Variants in PPFIA1 observed in about 807,000 individuals in gnomAD.
PPFIA1 encodes PPFI scaffold protein A1, also known as liprin-alpha-1.
Under a neutral mutation model 149.9 loss-of-function variants are expected in PPFIA1, and 25 were observed. The observed-to-expected ratio is 0.17, with a 90% CI of 0.12 to 0.23. The LOEUF is 0.23. PPFIA1 is among the 10% of genes least tolerant of loss of function. The pLI is 1.00. For synonymous variants in PPFIA1, 549 were observed against 552.8 expected (o/e 0.99, Z 0.10); for missense variants, 1,362 against 1,506.5 (o/e 0.90, Z 1.59).
intron 10 of PPFIA1, 29 bp downstream of exon 10, chr11:70,333,582 G>T: frequency 6.4e-7 from 1 of 1,564,478 alleles, no homozygotes; most frequent in Non-Finnish European, 8.8e-7. Flanking sequence ...GGGTGGGGGC[G>T]CTGAGTGGGT....
At chr11:70,353,315 A>G (rs2056176945) in intron 16 of PPFIA1, among the ~76,000 whole-genome samples, 1 of 152,210 alleles carries the variant, frequency 6.6e-6, no homozygotes, top group South Asian at 2.1e-4. Context: ...GCTGCACCGC[A>G]CCATGATCAC....
chr11:70,348,754 C>T (rs1056405114), intron 16 of PPFIA1, among the ~76,000 whole-genome samples: 1 of 151,982 alleles, frequency 6.6e-6, no homozygotes, highest in Non-Finnish European at 1.5e-5. Flanking sequence ...GCCTGTAGTC[C>T]CAGCTACTCT....
At chr11:70,376,065 T>A (rs1212865501) in intron 24 of PPFIA1, among the ~76,000 whole-genome samples, 1 of 151,888 alleles carries the variant, frequency 6.6e-6, no homozygotes, top group Non-Finnish European at 1.5e-5. Context: ...CTTGGCTCAC[T>A]GCACCCTCTG....
intron 2 of PPFIA1, among the ~76,000 whole-genome samples, chr11:70,275,311 A>G (rs2050318734): frequency 6.6e-6 from 1 of 152,064 alleles, no homozygotes; most frequent in African/African-American, 2.4e-5. Context: ...TTTTTTACTG[A>G]TTTGAAGGAG....
Position 70,272,171 on chromosome 11 carries a change from A to G in PPFIA1, c.1-2A>G. 7 of 1,612,802 alleles carry G rather than the reference A, an allele frequency of 4.3e-6. No individual in the cohort carries two copies. Among genetic ancestry groups the G allele is most frequent in the South Asian group, 1.1e-5 (1 of 90,994 alleles). On this transcript the variant is annotated splice_acceptor_variant, in intron 1 of 27. Transcript: ENST00000253925. LOFTEE classifies it low-confidence loss of function (5UTR_SPLICE). ...ACTGTAGCCTGGGTCTTTCATTTCA[A>G]GATGATGTGCGAGGTGATGCCGACC...
At chr11:70,348,123 T>C (rs745834092) in intron 15 of PPFIA1, 66 bp from the exon 16 acceptor site, 14 of 1,424,036 alleles carry the variant, frequency 9.8e-6, no homozygotes, top group Admixed American at 3.5e-5. Flanking sequence ...AGCATGGTTT[T>C]TCTCATGCAA....
chr11:70,349,981 C>T (rs2055950768), intron 16 of PPFIA1: 1 of 455,000 alleles, frequency 2.2e-6, no homozygotes, highest in Non-Finnish European at 4.4e-6. Context: ...GTAGTTTACT[C>T]ATCCACCTCC....
intron 2 of PPFIA1, among the ~76,000 whole-genome samples, chr11:70,316,282 G>A (rs1006873598): frequency 2.6e-5 from 4 of 152,156 alleles, no homozygotes; most frequent in Admixed American, 2.0e-4. Context: ...ATTTTGGACA[G>A]GCTGGTCTTG....
chr11:70,286,958 T>C (rs970507206), intron 2 of PPFIA1, among the ~76,000 whole-genome samples: 7 of 142,016 alleles, frequency 4.9e-5, no homozygotes, highest in African/African-American at 1.9e-4. Flanking sequence ...ATATACTATA[T>C]ATATACATAT....
rs1484060146 is a variant in PPFIA1, at chr11:70,356,096, A to G, written c.2489-65A>G. 3.1e-6 allele frequency: 4 copies of G among 1,302,728 alleles called. No individual in the cohort carries two copies. In the East Asian group the frequency reaches 6.9e-5, roughly 22 times the overall value. The allele number at this position is 1,302,728 out of a possible 1,614,324, so 80.7% of individuals were successfully genotyped here. On this transcript the variant is annotated intron_variant, in intron 18 of 27. Coordinates refer to ENST00000253925, the MANE Select transcript of PPFIA1 (RefSeq NM_003626.5). ...TGAACCTGCAAATATTCATCTGCCT[A>G]TTTATGAAAACATAGAGCTTTGTCA...
At chr11:70,308,077 T>C (rs1591148486) in intron 2 of PPFIA1, among the ~76,000 whole-genome samples, 1 of 152,230 alleles carries the variant, frequency 6.6e-6, no homozygotes, top group Admixed American at 6.5e-5. Context: ...AGATGGAGTT[T>C]TGCTCTTGTT....
At chr11:70,279,899 T>G (rs571605853) in intron 2 of PPFIA1, among the ~76,000 whole-genome samples, 155 of 142,830 alleles carry the variant, frequency 1.1e-3, no homozygotes, top group Admixed American at 1.4e-3. Flanking sequence ...TGTGTGTGTG[T>G]GGGGGATGTG....
At chr11:70,357,170 A>G (rs756455529) in intron 19 of PPFIA1, among the ~76,000 whole-genome samples, 9 of 152,206 alleles carry the variant, frequency 5.9e-5, no homozygotes, top group Non-Finnish European at 1.0e-4. Context: ...AGCTTGAGCA[A>G]TGTGGAAGAT....
chr11:70,280,380 C>A (rs918691926), intron 2 of PPFIA1, among the ~76,000 whole-genome samples: 1 of 151,898 alleles, frequency 6.6e-6, no homozygotes, highest in East Asian at 1.9e-4. Flanking sequence ...ACCAGCCTGG[C>A]CAACATGGTG....
At chr11:70,365,259 G>A in intron 21 of PPFIA1, 2 of 372,590 alleles carry the variant, frequency 5.4e-6, no homozygotes, top group Non-Finnish European at 5.5e-6. Flanking sequence ...TGAGAAGAGC[G>A]AACTTTGCCT....
At chr11:70,381,150 CAG>C (rs1378741426) in intron 26 of PPFIA1, 1 of 152,042 alleles carries the variant, frequency 6.6e-6, no homozygotes, top group Non-Finnish European at 1.5e-5. Flanking sequence ...GGGTAAACTC[CAG>C]CAGGTCTCCC....
rs1565406134 is a variant in PPFIA1, at chr11:70,332,048, C to T, written c.1166C>T (p.Pro389Leu). Residue 389 changes from proline (P) to leucine (L), a missense_variant, in exon 9 of 28, where the codon CCG becomes CTG. Pro to Leu is a moderately conservative substitution (Grantham distance 98). Transcript: ENST00000253925. ...ACACTGAGGAAGGCAGAGACGCTCC[C>T]GGAGGTGGAGGCGGAGCTGGCCCAG... ...QQTLRKAETL[P>L]EVEAELAQRV... The T allele has an allele frequency of 5.6e-6, 9 of 1,612,284 alleles. No individual in the cohort carries two copies. Among genetic ancestry groups the T allele is most frequent in the Non-Finnish European group, 6.8e-6 (8 of 1,179,264 alleles).
At chr11:70,340,136 T>TAA (rs564811432) in intron 14 of PPFIA1, among the ~76,000 whole-genome samples, 1 of 138,734 alleles carries the variant, frequency 7.2e-6, no homozygotes, top group Non-Finnish European at 1.6e-5. Flanking sequence ...CTGTCTCTAT[T>TAA]AAAAAAAAAA....
At chr11:70,336,614 C>T (rs2054997445) in intron 11 of PPFIA1, among the ~76,000 whole-genome samples, 1 of 152,116 alleles carries the variant, frequency 6.6e-6, no homozygotes, top group African/African-American at 2.4e-5. Flanking sequence ...AATATTCCAA[C>T]CTCTACCTTC....
Sources: allele counts gnomAD v4.1 joint callset (sites outside exome capture counted in the v4.1 genomes callset), GRCh38; gene constraint gnomAD v4.1.1; transcripts MANE v1.5; gene names NCBI Gene and HGNC (gene_info 2026-07-23, HGNC 2026-07-21).